The following PNPLA1 variants were observed in gnomAD, a reference collection of about 807,000 sequenced individuals.
PNPLA1 encodes the protein patatin like domain 1, omega-hydroxyceramide transacylase, also known as omega-hydroxyceramide transacylase.
In PNPLA1, 36 loss-of-function variants were observed where a neutral mutation model predicts 51.7. That is an observed-to-expected ratio of 0.70 (90% CI 0.53 to 0.92). PNPLA1 has a LOEUF of 0.92. Ranked by LOEUF, PNPLA1 falls within the 40% of genes least tolerant of loss-of-function variation. PNPLA1 has a pLI of 0.00. For missense variants in PNPLA1, 658 were observed against 682.5 expected (o/e 0.96, Z 0.40); for synonymous variants, 293 against 280.1 (o/e 1.05, Z -0.46).
chr6:36,267,787 C>G (rs576343686), upstream of PNPLA1, among the ~76,000 whole-genome samples: 1 of 152,112 alleles, frequency 6.6e-6, no homozygotes, highest in Non-Finnish European at 1.5e-5. Context: ...CCATCCCTGC[C>G]CCCCCCATGG....
intron 1 of PNPLA1, among the ~76,000 whole-genome samples, chr6:36,243,566 T>C (rs1000261594): frequency 1.3e-5 from 2 of 152,142 alleles, no homozygotes; most frequent in Non-Finnish European, 2.9e-5. Flanking sequence ...GTTTGAGAAT[T>C]GCTATTTTCA....
intron 5 of PNPLA1, 68 bp downstream of exon 5, chr6:36,295,492 G>A (rs1433542716): frequency 3.9e-5 from 58 of 1,495,636 alleles, no homozygotes; most frequent in Non-Finnish European, 5.2e-5. Flanking sequence ...CAGTAGAAGG[G>A]CTGAATGGAG....
intron 2 of PNPLA1, among the ~76,000 whole-genome samples, chr6:36,292,689 C>A (rs567284720): frequency 6.6e-6 from 1 of 152,226 alleles, no homozygotes; most frequent in Non-Finnish European, 1.5e-5. Flanking sequence ...TCTCATAGGG[C>A]ACTCCCAAAG....
chr6:36,275,502 T>A (rs1770063282), intron 1 of PNPLA1, among the ~76,000 whole-genome samples: 1 of 152,248 alleles, frequency 6.6e-6, no homozygotes. Flanking sequence ...TTGTTGATGG[T>A]TGAGGTAGAG....
At chr6:36,267,241 G>A (rs1390196766), upstream of PNPLA1, among the ~76,000 whole-genome samples, 3 of 152,196 alleles carry the variant, frequency 2.0e-5, no homozygotes, top group South Asian at 2.1e-4. Flanking sequence ...TTCTTAGGGC[G>A]TGAGTAGAGG....
chr6:36,250,978 A>T (rs1158325668), intron 1 of PNPLA1, among the ~76,000 whole-genome samples: 1 of 152,190 alleles, frequency 6.6e-6, no homozygotes, highest in African/African-American at 2.4e-5. Context: ...CTGGGATTAC[A>T]GGTGTGAGCC....
Position 36,300,178 on chromosome 6 carries a change from T to TGTGTGTGAGAGAGA in PNPLA1, c.776-1682_776-1681insTGTGTGAGAGAGAG. The stretch of plus-strand genomic sequence containing the variant: ...TCTTATTCTTGTGTGTGTGTGTGTG[T>TGTGTGTGAGAGAGA]GAGAGAGAGAGAGAGAGAGAGAGAG... On this transcript the variant is annotated intron_variant, in intron 5 of 8. Coordinates refer to ENST00000636260, the MANE Select transcript of PNPLA1 (RefSeq NM_001374623.1). Among the ~76,000 whole-genome samples the TGTGTGTGAGAGAGA allele has an allele frequency of 1.5e-3, 150 of 98,068 alleles. 3 individuals carry two copies. Among genetic ancestry groups the TGTGTGTGAGAGAGA allele is most frequent in the African/African-American group, 2.2e-3 (66 of 30,114 alleles). The allele number at this position is 98,068 out of a possible 152,430, so 64.3% of individuals were successfully genotyped here.
In PNPLA1 at chr6:36,270,525, ATTCC is replaced by A; in HGVS notation, c.68_71del (p.Phe23SerfsTer34). On this transcript the variant is annotated frameshift_variant, in exon 1 of 9. Transcript: ENST00000636260. LOFTEE classifies it high-confidence loss of function. Reference sequence around the variant, plus strand: ...ACTCCATCTCCTTCTCGGGCAGTGGATTCCTCTCCTTCTACCAGGCGGGGGCTGT... The same window carrying A: ...ACTCCATCTCCTTCTCGGGCAGTGGATCTCCTTCTACCAGGCGGGGGCTGT... The A allele has an allele frequency of 6.4e-7, 1 of 1,551,574 alleles. No individual in the cohort carries two copies. The highest frequency in any genetic ancestry group is 8.7e-7 in the Non-Finnish European group (1 of 1,146,988).
chr6:36,302,539 A>T (rs1771096027), intron 6 of PNPLA1, 70 bp downstream of exon 6: 2 of 1,503,094 alleles, frequency 1.3e-6, no homozygotes, highest in African/African-American at 1.4e-5. Flanking sequence ...CAAGGACACC[A>T]GGGCTGATAA....
chr6:36,290,874 G>T (rs150200409), intron 1 of PNPLA1, among the ~76,000 whole-genome samples: 5 of 152,276 alleles, frequency 3.3e-5, no homozygotes, highest in African/African-American at 1.2e-4. Context: ...ATCCCAGGGC[G>T]TCACTTAGGA....
chr6:36,305,004 G>C (rs1771187747), intron 6 of PNPLA1, among the ~76,000 whole-genome samples: 1 of 152,180 alleles, frequency 6.6e-6, no homozygotes, highest in South Asian at 2.1e-4. Context: ...AGCATGTACT[G>C]AGATTGAGAA....
chr6:36,287,263 A>G (rs559095122), intron 1 of PNPLA1, among the ~76,000 whole-genome samples: 95 of 152,236 alleles, frequency 6.2e-4, no homozygotes, highest in Non-Finnish European at 1.0e-3. Flanking sequence ...TCCAGCCCTC[A>G]GGGGAGGTTT....
chr6:36,295,697 G>A (rs1770839419), intron 5 of PNPLA1, among the ~76,000 whole-genome samples: 1 of 152,214 alleles, frequency 6.6e-6, no homozygotes, highest in Non-Finnish European at 1.5e-5. Flanking sequence ...GCTTATGAAT[G>A]TAAAAACTCT....
intron 1 of PNPLA1, among the ~76,000 whole-genome samples, chr6:36,251,048 C>T (rs1769412319): frequency 6.6e-6 from 1 of 152,166 alleles, no homozygotes; most frequent in Non-Finnish European, 1.5e-5. Context: ...ACCAATGCAT[C>T]TCCAGCAAGG....
At chr6:36,256,228 C>T (rs189286363) in intron 1 of PNPLA1, among the ~76,000 whole-genome samples, 6 of 152,062 alleles carry the variant, frequency 3.9e-5, no homozygotes, top group East Asian at 1.9e-4. Flanking sequence ...TGGTGGCTCA[C>T]GCCTGTAATC....
chr6:36,302,933 C>A (rs897305660), intron 6 of PNPLA1, among the ~76,000 whole-genome samples: 1 of 152,158 alleles, frequency 6.6e-6, no homozygotes, highest in Non-Finnish European at 1.5e-5. Flanking sequence ...CAGCCCTCAA[C>A]TGTGTGTTAC....
chr6:36,295,925 C>T (rs1278990017), intron 5 of PNPLA1, among the ~76,000 whole-genome samples: 1 of 152,156 alleles, frequency 6.6e-6, no homozygotes, highest in Non-Finnish European at 1.5e-5. Flanking sequence ...GTCCCTCCAC[C>T]TATATATTCT....
intron 1 of PNPLA1, among the ~76,000 whole-genome samples, chr6:36,274,390 A>G (rs1770027026): frequency 6.6e-6 from 1 of 152,166 alleles, no homozygotes; most frequent in Admixed American, 6.5e-5. Context: ...CACAGACCTG[A>G]CGTGGGTAAG....
intron 1 of PNPLA1, among the ~76,000 whole-genome samples, chr6:36,247,812 C>T (rs908971907): frequency 6.6e-6 from 1 of 152,222 alleles, no homozygotes; most frequent in African/African-American, 2.4e-5. Flanking sequence ...GCCCTAATCA[C>T]AGGATTCTGA....
Sources: gnomAD v4.1 joint callset for allele counts (sites outside exome capture counted in the v4.1 genomes callset) on GRCh38, gnomAD v4.1.1 for gene constraint, MANE v1.5 for transcripts, NCBI Gene and HGNC (gene_info 2026-07-23, HGNC 2026-07-21) for gene names.